Variants in RBCK1 observed in about 807,000 individuals in gnomAD.
The protein encoded by RBCK1 is ranBP-type and C3HC4-type zinc finger-containing protein 1.
RBCK1 carries 44 observed loss-of-function variants against 71.1 expected under a neutral mutation model. The ratio of observed to expected loss-of-function variants is 0.62; its 90% CI spans 0.49 to 0.80. The LOEUF is 0.80. Among genes scored for constraint, RBCK1 ranks in the 30% least tolerant of loss-of-function variants. The pLI, the probability that RBCK1 is intolerant of heterozygous loss-of-function variation, is 0.00. For missense variants in RBCK1, 569 were observed against 685.0 expected, an observed-to-expected ratio of 0.83 and a Z score of 1.89; for synonymous variants, 306 against 279.7, an observed-to-expected ratio of 1.09 and a Z score of -0.94.
rs1207679746 is a variant in RBCK1, at chr20:431,597, T to A, written c.*1167T>A. 3.9e-5 allele frequency among the ~76,000 whole-genome samples: 6 copies of A among 152,202 alleles called. No individual in the cohort carries two copies. Among genetic ancestry groups the A allele is most frequent in the Non-Finnish European group, 2.9e-5 (2 of 68,026 alleles). On this transcript the variant is annotated 3_prime_UTR_variant, in exon 12 of 12. Transcript: ENST00000356286. This position sits in a 1 kb window ranked among gnomAD's most constrained non-coding sequence, Gnocchi z 4.8. ...AGCAGGCAGAGGGCGCCTCTGCTGC[T>A]GAAGGCCTGTGATTTTGTGGGGAAG...
At chr20:421,260 G>A (rs745440701) in intron 7 of RBCK1, among the ~76,000 whole-genome samples, 8 of 152,150 alleles carry the variant, frequency 5.3e-5, no homozygotes, top group Non-Finnish European at 1.0e-4. Context: ...AGACGTGAGC[G>A]CAGGCGTGGG....
chr20:429,792 G>C (rs2016925751), intron 11 of RBCK1, among the ~76,000 whole-genome samples: 1 of 152,188 alleles, frequency 6.6e-6, no homozygotes, highest in Non-Finnish European at 1.5e-5. Context: ...GTTCGATCTG[G>C]AGTCAGAGGT....
intron 8 of RBCK1, among the ~76,000 whole-genome samples, chr20:426,729 C>G (rs2016733427): frequency 6.6e-6 from 1 of 151,572 alleles, no homozygotes; most frequent in African/African-American, 2.4e-5. Context: ...TACATTCACA[C>G]TGTTGTGCAA....
intron 7 of RBCK1, 51 bp downstream of exon 7, chr20:421,082 A>G (rs1342362865): frequency 2.8e-5 from 41 of 1,485,496 alleles, no homozygotes; most frequent in South Asian, 7.8e-5. Flanking sequence ...AAAGCCGCCA[A>G]TTACGCAGGG....
chr20:430,608 C>T lies in RBCK1; in HGVS notation c.*178C>T, dbSNP rs973417226. 2.9e-5 allele frequency: 19 copies of T among 645,646 alleles called. No individual in the cohort carries two copies. Among genetic ancestry groups the T allele is most frequent in the African/African-American group, 1.4e-4 (8 of 55,212 alleles). The allele number at this position is 645,646 out of a possible 1,614,324, so 40.0% of individuals were successfully genotyped here. ...CCTTTGTCCTTCCCTTGGGGCTTGCCGGCCAGACTTCTCTCCCCTGCGGCT... is the reference window on the plus strand; with the variant it reads ...CCTTTGTCCTTCCCTTGGGGCTTGCTGGCCAGACTTCTCTCCCCTGCGGCT... On this transcript the variant is annotated 3_prime_UTR_variant, in exon 12 of 12. Transcript: ENST00000356286. The surrounding 1 kb of genome is among the most constrained non-coding windows in gnomAD (Gnocchi z 5.6).
chr20:418,427 G>A (rs2016129286), intron 4 of RBCK1, among the ~76,000 whole-genome samples: 1 of 151,948 alleles, frequency 6.6e-6, no homozygotes, highest in South Asian at 2.1e-4. Flanking sequence ...GGAGTGCAGT[G>A]GCACAATCTC....
In RBCK1 at chr20:430,385, G is replaced by T; in HGVS notation, c.1488G>T (p.Arg496Ser). 6.2e-7 allele frequency: 1 copy of T among 1,613,736 alleles called. No homozygotes were observed. The highest frequency in any genetic ancestry group is 8.5e-7 in the Non-Finnish European group (1 of 1,179,658). The change falls in exon 12 of 12, where the codon AGG becomes AGT. Residue 496 changes from arginine to serine, a missense_variant. Physicochemically the swap from Arg to Ser is moderately radical, Grantham distance 110. Around this residue, in one of 2 missense-constraint regions of RBCK1, gnomAD observed 211 missense variants for 309.4 expected, o/e 0.68. Transcript: ENST00000356286. The surrounding 1 kb of genome is among the most constrained non-coding windows in gnomAD (Gnocchi z 5.6). ...ACACCAGCGGGGGCTGCCGCTGCAG[G>T]GTAAATGGGATTCCTTGCCACCCAA... Reference protein sequence around the residue: ...PGDTSGGCRCRVNGIPCHPSC... With the variant: ...PGDTSGGCRCSVNGIPCHPSC...
chr20:420,919 G>A lies in RBCK1; in HGVS notation c.805G>A (p.Asp269Asn). Residue 269 changes from aspartate (D) to asparagine (N), a missense_variant, in exon 7 of 12, where the codon GAC (aspartate) becomes AAC (asparagine). Asp to Asn is a conservative substitution (Grantham distance 23). Transcript: ENST00000356286. ...GAACTACCTGCAGCACGTCCAGCTG[G>A]ACCAGAGGAGCCTGGTGCTGAACAC... ...EGNYLQHVQLDQRSLVLNTEP... is the reference protein window; with the variant it reads ...EGNYLQHVQLNQRSLVLNTEP... The A allele has an allele frequency of 6.4e-7, 1 of 1,555,198 alleles. No individual in the cohort carries two copies. The highest frequency in any genetic ancestry group is 1.2e-5 in the South Asian group (1 of 84,534).
In RBCK1 at chr20:410,526, C is replaced by T. The variant is rs7059; in HGVS notation, c.167+501C>T. On this transcript the variant is annotated intron_variant, in intron 2 of 11. Coordinates refer to ENST00000356286, the MANE Select transcript of RBCK1 (RefSeq NM_031229.4). Reference sequence around the variant, plus strand: ...TAAAGAGCATAGCTCAAAAATTGTACACACTTCTTCCGTTAATTCCTGTGG... The same window carrying T: ...TAAAGAGCATAGCTCAAAAATTGTATACACTTCTTCCGTTAATTCCTGTGG... 0.45 allele frequency: 351,481 copies of T among 779,270 alleles called. 81,223 individuals carry two copies. Among genetic ancestry groups the T allele is most frequent in the Non-Finnish European group, 0.48 (202,503 of 417,802 alleles). The allele number at this position is 779,270 out of a possible 1,614,324, so 48.3% of individuals were successfully genotyped here. A position where few individuals can be genotyped will look rare whatever the true frequency, so the allele number is the denominator to read the frequency against.
At chr20:423,584 GTAT>G (rs2016557127) in intron 8 of RBCK1, among the ~76,000 whole-genome samples, 2 of 152,122 alleles carry the variant, frequency 1.3e-5, no homozygotes, top group South Asian at 4.1e-4. Context: ...GTTATATTAG[GTAT>G]TATAAATAAT....
chr20:423,327 G>A (rs1409592623), intron 8 of RBCK1, among the ~76,000 whole-genome samples: 1 of 152,050 alleles, frequency 6.6e-6, no homozygotes, highest in Non-Finnish European at 1.5e-5. Context: ...ATTTAGAGTA[G>A]TGCTTGTCAC....
intron 2 of RBCK1, among the ~76,000 whole-genome samples, chr20:412,024 A>G (rs1485084502): frequency 5.9e-5 from 9 of 152,240 alleles, no homozygotes; most frequent in Admixed American, 1.3e-4. Context: ...TGGGTCATAC[A>G]GTAACTCTAT....
At chr20:421,659 G>T (rs1422203059) in intron 7 of RBCK1, among the ~76,000 whole-genome samples, 2 of 152,152 alleles carry the variant, frequency 1.3e-5, no homozygotes, top group African/African-American at 4.8e-5. Context: ...TAGGTGTGGG[G>T]TGTGGGCCTG....
In RBCK1 at chr20:408,738, G is replaced by A. The variant is rs775798243; in HGVS notation, c.-20G>A. On this transcript the variant is annotated 5_prime_UTR_variant, in exon 1 of 12. Transcript: ENST00000356286. The stretch of plus-strand genomic sequence containing the variant: ...CAGGAGGCACGGTCCCCCCCAGGGG[G>A]ATGGGCACAGCCACGCCAGATGGAC... 4.3e-6 allele frequency: 7 copies of A among 1,612,418 alleles called. No homozygotes were observed. Among genetic ancestry groups the A allele is most frequent in the South Asian group, 1.1e-5 (1 of 90,778 alleles).
At chr20:427,955 C>T (rs538276619) in intron 9 of RBCK1, among the ~76,000 whole-genome samples, 3 of 152,280 alleles carry the variant, frequency 2.0e-5, no homozygotes, top group Admixed American at 6.5e-5. Flanking sequence ...CCCTATACCA[C>T]GTCTCCACCC....
intron 2 of RBCK1, among the ~76,000 whole-genome samples, chr20:414,933 A>G (rs923192428): frequency 6.6e-6 from 1 of 152,194 alleles, no homozygotes; most frequent in Non-Finnish European, 1.5e-5. Context: ...ATGTTTAAAA[A>G]TTTCTATATT....
intron 1 of RBCK1, among the ~76,000 whole-genome samples, chr20:409,317 C>G (rs923381624): frequency 3.3e-5 from 5 of 152,244 alleles, no homozygotes; most frequent in African/African-American, 1.2e-4. Context: ...CCTTACTCTT[C>G]CTTCCACCTG....
chr20:430,468 C>T lies in RBCK1; in HGVS notation c.*38C>T. 1 of 1,550,978 alleles carries T rather than the reference C, an allele frequency of 6.4e-7. No individual in the cohort carries two copies. Among genetic ancestry groups the T allele is most frequent in the South Asian group, 1.1e-5 (1 of 89,808 alleles). On this transcript the variant is annotated 3_prime_UTR_variant, in exon 12 of 12. Transcript: ENST00000356286. The surrounding 1 kb of genome is among the most constrained non-coding windows in gnomAD (Gnocchi z 5.6). Reference sequence around the variant, plus strand: ...GGGGCCACATGCTGACCCAGCCCCACATCCACATTCTGTTAGAATGTAGCT... The same window carrying T: ...GGGGCCACATGCTGACCCAGCCCCATATCCACATTCTGTTAGAATGTAGCT...
rs552685513 is a variant in RBCK1 at position 413,951 on chromosome 20, G to A, written c.168-3575G>A. Among the ~76,000 whole-genome samples the A allele has an allele frequency of 9.4e-4, 142 of 151,510 alleles. No individual in the cohort carries two copies. In the Middle Eastern group the frequency reaches 0.024, roughly 25 times the overall value. On this transcript the variant is annotated intron_variant, in intron 2 of 11. Coordinates refer to ENST00000356286, the MANE Select transcript of RBCK1 (RefSeq NM_031229.4). ...AAAAAAAAAAGATTAACACTTTTGG[G>A]TGAGACAGTAGTAAGGAAATACAGT...
Sources: gnomAD v4.1 joint callset for allele counts (sites outside exome capture counted in the v4.1 genomes callset) on GRCh38, gnomAD v4.1.1 for gene constraint, gnomAD v4.1.1 regional missense constraint, Gnocchi (gnomAD v3.1) non-coding constraint, MANE v1.5 for transcripts, NCBI Gene and HGNC (gene_info 2026-07-23, HGNC 2026-07-21) for gene names.